PTPRB: variants seen among roughly 807,000 people sequenced by gnomAD.
PTPRB encodes the protein protein tyrosine phosphatase receptor type B, also known as receptor-type tyrosine-protein phosphatase beta.
PTPRB carries 97 observed loss-of-function variants against 238.1 expected under a neutral mutation model. The observed-to-expected ratio is 0.41, with a 90% CI of 0.35 to 0.48. The LOEUF (loss-of-function observed/expected upper bound fraction) is 0.48. PTPRB is among the 20% of genes least tolerant of loss of function. The probability of loss-of-function intolerance (pLI) is 0.30; values close to 1 mark genes in which losing one functional copy is unlikely to be tolerated. For missense variants in PTPRB, 2,292 were observed against 2,681.9 expected (o/e 0.85, Z 3.21); for synonymous variants, 970 against 995.4 (o/e 0.97, Z 0.48).
intron 2 of PTPRB, among the ~76,000 whole-genome samples, chr12:70,629,846 A>G (rs1178287907): frequency 6.6e-6 from 1 of 152,242 alleles, no homozygotes; most frequent in Admixed American, 6.5e-5. Context: ...GAAAATCTAG[A>G]AGAAATGGAT....
intron 11 of PTPRB, among the ~76,000 whole-genome samples, chr12:70,572,686 T>C (rs992066714): frequency 6.7e-6 from 1 of 150,340 alleles, no homozygotes; most frequent in African/African-American, 2.5e-5. Flanking sequence ...GAAGAATCAC[T>C]TGAACCCAGG....
At chr12:70,538,562 G>T in intron 27 of PTPRB, 1 of 432,292 alleles carries the variant, frequency 2.3e-6, no homozygotes, top group Non-Finnish European at 4.1e-6. Flanking sequence ...TACCTAATGG[G>T]GTAAGGAAAT....
chr12:70,576,663 G>T lies in PTPRB; in HGVS notation c.2579-18C>A, dbSNP rs548565841. 7.5e-4 allele frequency: 205 copies of T among 273,294 alleles called. 2 individuals are homozygous for T. Among genetic ancestry groups the T allele is most frequent in the Middle Eastern group, 1.1e-3 (1 of 882 alleles). The allele number at this position is 273,294 out of a possible 1,614,324, so 16.9% of individuals were successfully genotyped here. On this transcript the variant is annotated intron_variant, in intron 10 of 33. Transcript: ENST00000334414. ...GGAAGGGACTGTGATTTTGAAAGGT[G>T]GGGGGCGGGGGGGGGGGGGAAGGGG... is the stretch of plus-strand genomic sequence containing the variant.
rs1187564723 is a variant in PTPRB, at chr12:70,622,617, T to C, written c.481A>G (p.Ser161Gly). ...TGGGGTGGAGCCGTGTTTCTAGTGC[T>C]CCTCACCGAAACTTCTGCTCCCAGG... The part of the protein sequence containing the change: ...AGLGAEVSVR[S>G]TRNTAPPQIL... The change falls in exon 3 of 34, where the codon AGC (serine) becomes GGC (glycine). Residue 161 changes from serine to glycine, a missense_variant. By Grantham distance (56) the Ser-to-Gly change is moderately conservative. Transcript: ENST00000334414. 1 of 1,578,946 alleles carries C rather than the reference T, an allele frequency of 6.3e-7. No homozygotes were observed. The highest frequency in any genetic ancestry group is 8.6e-7 in the Non-Finnish European group (1 of 1,159,774).
At chr12:70,524,769 G>A (rs1195954770) in intron 32 of PTPRB, among the ~76,000 whole-genome samples, 178 bp from the exon 33 acceptor site, 2 of 152,054 alleles carry the variant, frequency 1.3e-5, no homozygotes, top group African/African-American at 4.8e-5. Context: ...ACTGAAAAGA[G>A]AACAATGGTA....
At chr12:70,626,356 TATCTATC>T in intron 2 of PTPRB, among the ~76,000 whole-genome samples, 1 of 143,452 alleles carries the variant, frequency 7.0e-6, no homozygotes, top group Non-Finnish European at 1.5e-5. Flanking sequence ...TCTATCTATC[TATCTATC>T]TATATTCCTG....
intron 4 of PTPRB, among the ~76,000 whole-genome samples, chr12:70,604,841 T>C (rs1000152810): frequency 6.6e-6 from 1 of 152,114 alleles, no homozygotes; most frequent in Non-Finnish European, 1.5e-5. Flanking sequence ...AAAGGTGCCA[T>C]TTGCAGGCCA....
At chr12:70,521,568 C>A in intron 33 of PTPRB, 57 bp from the exon 34 acceptor site, 1 of 1,398,056 alleles carries the variant, frequency 7.2e-7, no homozygotes, top group African/African-American at 1.5e-5. Flanking sequence ...TAATTGTTTA[C>A]GCTGTTTATG....
At chr12:70,573,570 G>A (rs536750748) in intron 11 of PTPRB, among the ~76,000 whole-genome samples, 6 of 145,890 alleles carry the variant, frequency 4.1e-5, no homozygotes, top group Non-Finnish European at 8.9e-5. Flanking sequence ...GCAGTGGTGC[G>A]ATCTTGGCTC....
chr12:70,572,775 T>TAAAAAAAAAAA (rs10709963), intron 11 of PTPRB, among the ~76,000 whole-genome samples: 37 of 93,690 alleles, frequency 3.9e-4, no homozygotes, highest in Middle Eastern at 6.7e-3. Flanking sequence ...CTCCATCTCA[T>TAAAAAAAAAAA]AAAAAAAAAA....
chr12:70,540,957 T>G lies in PTPRB; in HGVS notation c.5495A>C (p.Glu1832Ala). ...ACCTTCAATAGCTCCAAACAAGGGC[T>G]CTACAATAATCCAGATAGAAACAAC... is the stretch of plus-strand genomic sequence containing the variant. ...FFSLPITTES[E>A]PLFGAIEGVS... Residue 1832 changes from glutamate (E) to alanine (A), a missense_variant and splice_region_variant, in exon 23 of 34, where the codon GAG becomes GCG. Physicochemically the swap from Glu to Ala is moderately radical, Grantham distance 107 (BLOSUM62 -1). Around this residue, in one of 4 missense-constraint regions of PTPRB, gnomAD observed 397 missense variants for 502.0 expected, o/e 0.79. Coordinates refer to ENST00000334414, the MANE Select transcript of PTPRB (RefSeq NM_001109754.4). The G allele has an allele frequency of 6.3e-7, 1 of 1,597,614 alleles. No individual in the cohort carries two copies.
At chr12:70,536,500 A>G (rs1015066753) in intron 28 of PTPRB, among the ~76,000 whole-genome samples, 7 of 152,172 alleles carry the variant, frequency 4.6e-5, no homozygotes, top group Admixed American at 1.3e-4. Flanking sequence ...CTCTTTCCCT[A>G]TTTAATGTAG....
Position 70,624,123 on chromosome 12 carries a change from C to T in PTPRB, c.452-1477G>A, listed in dbSNP as rs140185496. On this transcript the variant is annotated intron_variant, in intron 2 of 33. Transcript: ENST00000334414. ...TCGATGGATTTAGCAAATAAAAATA[C>T]ATTCTATCCAGTCAAATAATTTTAG... Among the ~76,000 whole-genome samples the T allele has an allele frequency of 9.2e-3, 1,402 of 152,190 alleles. 19 individuals carry two copies. Among genetic ancestry groups the T allele is most frequent in the African/African-American group, 0.028 (1,167 of 41,540 alleles).
At chr12:70,605,223 TC>T (rs2136523784) in intron 4 of PTPRB, among the ~76,000 whole-genome samples, 1 of 152,294 alleles carries the variant, frequency 6.6e-6, no homozygotes, top group Admixed American at 6.5e-5. Context: ...CTACAACTCT[TC>T]CCTGGGCTCT....
chr12:70,560,685 G>T lies in PTPRB; in HGVS notation c.4418C>A (p.Ala1473Glu), dbSNP rs758049328. Residue 1473 changes from alanine to glutamate, a missense_variant, in exon 17 of 34, where the codon GCG becomes GAG. By Grantham distance (107) the Ala-to-Glu change is moderately radical. Around this residue, in one of 4 missense-constraint regions of PTPRB, gnomAD observed 683 missense variants for 862.0 expected, o/e 0.79. Coordinates refer to ENST00000334414, the MANE Select transcript of PTPRB (RefSeq NM_001109754.4). The surrounding 1 kb of genome is among the most constrained non-coding windows in gnomAD (Gnocchi z 4.2). ...GGGCTTCTCACCTGTTCTGCTCTCC[G>T]CTGTGACTTTATTGCTGAGATCTCC... ...HSGDLSNKVT[A>E]ESRTAPSPPS... 1.3e-5 allele frequency: 21 copies of T among 1,612,116 alleles called. No individual in the cohort carries two copies. In the East Asian group the frequency reaches 4.5e-4, roughly 34 times the overall value.
intron 32 of PTPRB, 112 bp from the exon 33 acceptor site, chr12:70,524,703 A>G: frequency 8.8e-7 from 1 of 1,137,312 alleles, no homozygotes; most frequent in Non-Finnish European, 1.2e-6. Context: ...AAATTTCTTG[A>G]ACATCGCTTC....
chr12:70,566,700 T>C lies in PTPRB; in HGVS notation c.3639A>G (p.Pro1213=). 6.2e-7 allele frequency: 1 copy of C among 1,612,138 alleles called. No individual in the cohort carries two copies. The highest frequency in any genetic ancestry group is 1.1e-5 in the South Asian group (1 of 91,046). Residue 1213 remains proline, a synonymous_variant, in exon 15 of 34, where the codon CCA becomes CCG. Coordinates refer to ENST00000334414, the MANE Select transcript of PTPRB (RefSeq NM_001109754.4). The part of the protein sequence containing the change: ...NQINVVGRTV[P]ASVQGVIADN... Reference sequence around the variant, plus strand: ...CTGCAATTACTCCTTGGACAGATGCTGGAACTGCAGAGAGACAAGTGGAGC... The same window carrying C: ...CTGCAATTACTCCTTGGACAGATGCCGGAACTGCAGAGAGACAAGTGGAGC...
At chr12:70,557,049 T>C (rs886874195) in intron 18 of PTPRB, among the ~76,000 whole-genome samples, 6 of 152,216 alleles carry the variant, frequency 3.9e-5, no homozygotes, top group Admixed American at 3.9e-4. Flanking sequence ...TGCTATGTGG[T>C]GTGACACACA....
chr12:70,610,579 C>A (rs1884388427), intron 3 of PTPRB, among the ~76,000 whole-genome samples: 1 of 152,106 alleles, frequency 6.6e-6, no homozygotes, highest in Admixed American at 6.5e-5. Flanking sequence ...CACTTCAAAG[C>A]ATTCATTTGT....
Sources: gnomAD v4.1 joint callset for allele counts (sites outside exome capture counted in the v4.1 genomes callset) on GRCh38, gnomAD v4.1.1 for gene constraint, gnomAD v4.1.1 regional missense constraint, Gnocchi (gnomAD v3.1) non-coding constraint, MANE v1.5 for transcripts, NCBI Gene and HGNC (gene_info 2026-07-23, HGNC 2026-07-21) for gene names.